Variants in ACSS3 observed in about 807,000 individuals in gnomAD.
ACSS3 encodes the protein acyl-CoA synthetase short chain family member 3.
In ACSS3, 64 loss-of-function variants were observed where a neutral mutation model predicts 84.2. The observed-to-expected ratio is 0.76, with a 90% CI of 0.62 to 0.94. The LOEUF is 0.94. Ranked by LOEUF, ACSS3 falls within the 40% of genes least tolerant of loss-of-function variation. The pLI, the probability that ACSS3 is intolerant of heterozygous loss-of-function variation, is 0.00. For synonymous variants in ACSS3, 317 were observed against 310.1 expected (o/e 1.02, Z -0.23); for missense variants, 815 against 867.6 (o/e 0.94, Z 0.76).
At chr12:81,161,340 C>A (rs1269286942) in intron 7 of ACSS3, among the ~76,000 whole-genome samples, 1 of 152,014 alleles carries the variant, frequency 6.6e-6, no homozygotes, top group African/African-American at 2.4e-5. Flanking sequence ...GGTCTCTCCC[C>A]TTGTAGATCT....
In ACSS3 at chr12:81,143,163, A is replaced by G. The variant is rs1886175777; in HGVS notation, c.837A>G (p.Lys279=). The change falls in exon 5 of 16, where the codon AAA becomes AAG. Residue 279 remains lysine, a synonymous_variant. Coordinates refer to ENST00000548058, the MANE Select transcript of ACSS3 (RefSeq NM_024560.4). The part of the protein sequence containing the change: ...RDLDWDEEMA[K]AQSHDCVPVL... Reference sequence around the variant, plus strand: ...TTGATTGGGATGAAGAGATGGCAAAAGCCCAGTCACATGACTGTGTTCCTG... The same window carrying G: ...TTGATTGGGATGAAGAGATGGCAAAGGCCCAGTCACATGACTGTGTTCCTG... 1 of 1,613,766 alleles carries G rather than the reference A, an allele frequency of 6.2e-7. No individual in the cohort carries two copies. Among genetic ancestry groups the G allele is most frequent in the Non-Finnish European group, 8.5e-7 (1 of 1,179,806 alleles).
intron 9 of ACSS3, among the ~76,000 whole-genome samples, chr12:81,204,180 T>C (rs2032236700): frequency 6.6e-6 from 1 of 152,106 alleles, no homozygotes; most frequent in Non-Finnish European, 1.5e-5. Flanking sequence ...TTATTGTTTT[T>C]ATGAGTAAAT....
intron 5 of ACSS3, 94 bp downstream of exon 5, chr12:81,143,341 C>T: frequency 7.6e-7 from 1 of 1,307,370 alleles, no homozygotes; most frequent in Non-Finnish European, 1.0e-6. Context: ...GCAGACTTTA[C>T]TTTGAAGTTT....
At chr12:81,120,871 A>G (rs2121535199) in intron 2 of ACSS3, among the ~76,000 whole-genome samples, 1 of 152,326 alleles carries the variant, frequency 6.6e-6, no homozygotes, top group East Asian at 1.9e-4. Context: ...AAGCTGAATA[A>G]TATTAACTTT....
chr12:81,163,134 A>ATG (rs765194252), intron 7 of ACSS3, among the ~76,000 whole-genome samples: 6 of 132,014 alleles, frequency 4.5e-5, no homozygotes, highest in Non-Finnish European at 7.9e-5. Context: ...TCTTTATAGA[A>ATG]TGATCGGTAT....
intron 1 of ACSS3, among the ~76,000 whole-genome samples, chr12:81,089,206 A>G (rs1232899679): frequency 2.0e-5 from 3 of 152,002 alleles, no homozygotes; most frequent in African/African-American, 7.2e-5. Flanking sequence ...CAACCTCTCA[A>G]TAAAAAAATA....
intron 2 of ACSS3, among the ~76,000 whole-genome samples, chr12:81,130,963 C>A (rs140869541): frequency 6.6e-6 from 1 of 152,252 alleles, no homozygotes; most frequent in African/African-American, 2.4e-5. Flanking sequence ...TTTCTGAAGG[C>A]TCTGTTCTGT....
intron 2 of ACSS3, among the ~76,000 whole-genome samples, chr12:81,113,312 G>A (rs1043306039): frequency 5.9e-5 from 9 of 152,126 alleles, no homozygotes; most frequent in African/African-American, 1.4e-4. Context: ...CCTACCCTCC[G>A]CTAGAAATAA....
At chr12:81,108,967 CT>C (rs1246053657) in intron 1 of ACSS3, among the ~76,000 whole-genome samples, 4 of 152,114 alleles carry the variant, frequency 2.6e-5, no homozygotes, top group Non-Finnish European at 5.9e-5. Flanking sequence ...ATTGCAAAGG[CT>C]TTCAAAAATA....
At chr12:81,222,404 C>T (rs1203309453) in intron 11 of ACSS3, among the ~76,000 whole-genome samples, 2 of 151,958 alleles carry the variant, frequency 1.3e-5, no homozygotes, top group African/African-American at 4.8e-5. Flanking sequence ...GATTTTGAAA[C>T]CTTTTTTCAG....
chr12:81,198,286 T>C (rs1468388916), intron 8 of ACSS3, among the ~76,000 whole-genome samples: 1 of 152,082 alleles, frequency 6.6e-6, no homozygotes, highest in Non-Finnish European at 1.5e-5. Flanking sequence ...AAAGAGCTCA[T>C]AGTGCAGTGT....
At chr12:81,200,138 A>G (rs971260211) in intron 9 of ACSS3, among the ~76,000 whole-genome samples, 6 of 151,984 alleles carry the variant, frequency 3.9e-5, no homozygotes, top group Non-Finnish European at 5.9e-5. Flanking sequence ...GAATAAGCAG[A>G]CAACCACCAC....
intron 13 of ACSS3, among the ~76,000 whole-genome samples, chr12:81,247,257 C>A (rs879544044): frequency 2.0e-5 from 3 of 152,076 alleles, no homozygotes; most frequent in Admixed American, 6.6e-5. Context: ...ACCTGCATTT[C>A]CGGCAGACTC....
intron 8 of ACSS3, among the ~76,000 whole-genome samples, chr12:81,190,034 T>C (rs1337957507): frequency 6.6e-6 from 1 of 152,192 alleles, no homozygotes; most frequent in East Asian, 1.9e-4. Flanking sequence ...CCTACTTGTT[T>C]GTATTCACAT....
intron 5 of ACSS3, among the ~76,000 whole-genome samples, chr12:81,146,644 G>A (rs1338399437): frequency 6.6e-6 from 1 of 152,152 alleles, no homozygotes; most frequent in Non-Finnish European, 1.5e-5. Flanking sequence ...GTTAGCTGCT[G>A]TAAATATTCC....
At chr12:81,133,508 A>G (rs1171997858) in intron 2 of ACSS3, among the ~76,000 whole-genome samples, 1 of 151,968 alleles carries the variant, frequency 6.6e-6, no homozygotes, top group Non-Finnish European at 1.5e-5. Context: ...TACCTCTTAC[A>G]TGTTTGTATT....
At chr12:81,200,149 A>C (rs997362254) in intron 9 of ACSS3, among the ~76,000 whole-genome samples, 3 of 152,194 alleles carry the variant, frequency 2.0e-5, no homozygotes, top group African/African-American at 7.2e-5. Context: ...CAACCACCAC[A>C]ACAATAACTC....
In ACSS3 at chr12:81,231,143, G is replaced by A. The variant is rs763745488; in HGVS notation, c.1596+5G>A. On this transcript the variant is annotated splice_donor_5th_base_variant and intron_variant, in intron 12 of 15. Transcript: ENST00000548058. ...TTATACTTTGAAAAATTTCCTGTAA[G>A]AACTTTAATATGCTTTTTTATCTTC... 1 of 1,595,916 alleles carries A rather than the reference G, an allele frequency of 6.3e-7. No homozygotes were observed. The highest frequency in any genetic ancestry group is 8.6e-7 in the Non-Finnish European group (1 of 1,166,998).
At chr12:81,253,757 C>G in intron 15 of ACSS3, 87 bp downstream of exon 15, 1 of 1,370,270 alleles carries the variant, frequency 7.3e-7, no homozygotes, top group African/African-American at 1.5e-5. Context: ...AAATGGTTCT[C>G]AAATGTGAAT....
Sources: gnomAD v4.1 joint callset for allele counts (sites outside exome capture counted in the v4.1 genomes callset) on GRCh38, gnomAD v4.1.1 for gene constraint, MANE v1.5 for transcripts, NCBI Gene and HGNC (gene_info 2026-07-23, HGNC 2026-07-21) for gene names.